The following NAALADL2 variants were observed in gnomAD, a reference collection of about 807,000 sequenced individuals.
The protein encoded by NAALADL2 is inactive N-acetylated-alpha-linked acidic dipeptidase-like protein 2.
Under a neutral mutation model 87.2 loss-of-function variants are expected in NAALADL2, and 76 were observed. The observed-to-expected ratio is 0.87, with a 90% CI of 0.72 to 1.05. The LOEUF (loss-of-function observed/expected upper bound fraction) is 1.05, where lower values mean the gene tolerates loss of function less well. NAALADL2 is among the 50% of genes least tolerant of loss of function. NAALADL2 has a pLI of 0.00. For missense variants in NAALADL2, 1,089 were observed against 945.8 expected (o/e 1.15, Z -1.99); for synonymous variants, 354 against 331.0 (o/e 1.07, Z -0.75).
At chr3:175,052,503 A>T (rs918122353) in intron 1 of NAALADL2, among the ~76,000 whole-genome samples, 1 of 152,158 alleles carries the variant, frequency 6.6e-6, no homozygotes, top group East Asian at 1.9e-4. Context: ...AGACTATACA[A>T]AGACAAACAA....
intron 1 of NAALADL2, among the ~76,000 whole-genome samples, chr3:174,451,657 A>T (rs1456218975): frequency 3.9e-5 from 6 of 152,152 alleles, no homozygotes; most frequent in African/African-American, 1.4e-4. Flanking sequence ...ATTTAAAGAC[A>T]TTGCTCTTAT....
chr3:175,494,557 C>T (rs557167719), intron 9 of NAALADL2, among the ~76,000 whole-genome samples: 1 of 152,198 alleles, frequency 6.6e-6, no homozygotes, highest in African/African-American at 2.4e-5. Flanking sequence ...GTTCTAGTTA[C>T]CAGTATCATC....
intron 1 of NAALADL2, among the ~76,000 whole-genome samples, chr3:174,941,127 A>T (rs1738514864): frequency 6.6e-6 from 1 of 151,802 alleles, no homozygotes; most frequent in Non-Finnish European, 1.5e-5. Flanking sequence ...TAACTTTTTG[A>T]TGTGGGCATT....
At position 175,084,530 on chromosome 3, in the gene NAALADL2, A is replaced by G. The variant is rs139821526; in HGVS notation, c.44-12260A>G. 2.2e-3 allele frequency among the ~76,000 whole-genome samples: 341 copies of G among 152,320 alleles called. 3 individuals are homozygous for G. Among genetic ancestry groups the G allele is most frequent in the African/African-American group, 7.6e-3 (318 of 41,570 alleles). ...TTTGTAAGTTATTCATGCCTTAATTACAGTCTGCATAAGACACCTCAGCAT... is the reference window on the plus strand; with the variant it reads ...TTTGTAAGTTATTCATGCCTTAATTGCAGTCTGCATAAGACACCTCAGCAT... On this transcript the variant is annotated intron_variant, in intron 1 of 13. Coordinates refer to ENST00000454872, the MANE Select transcript of NAALADL2 (RefSeq NM_207015.3).
At chr3:174,444,180 G>A (rs191543058) in intron 1 of NAALADL2, among the ~76,000 whole-genome samples, 2 of 152,262 alleles carry the variant, frequency 1.3e-5, no homozygotes, top group African/African-American at 4.8e-5. Context: ...TCACGAGGAG[G>A]TGAGAAAGGA....
intron 1 of NAALADL2, among the ~76,000 whole-genome samples, chr3:175,046,587 T>G (rs1754698802): frequency 6.6e-6 from 1 of 152,154 alleles, no homozygotes; most frequent in Non-Finnish European, 1.5e-5. Flanking sequence ...GATAATGAAG[T>G]AAAGACCTCC....
intron 9 of NAALADL2, among the ~76,000 whole-genome samples, chr3:175,559,239 A>T (rs56285150): frequency 0.13 from 19,627 of 152,080 alleles, 1,360 homozygotes; most frequent in Middle Eastern, 0.18. Context: ...TGCTGTTGGC[A>T]TATAGAAATG....
At chr3:175,589,954 T>C (rs1721145926) in intron 10 of NAALADL2, among the ~76,000 whole-genome samples, 1 of 152,130 alleles carries the variant, frequency 6.6e-6, no homozygotes, top group Non-Finnish European at 1.5e-5. Context: ...GGTTCACGCC[T>C]ATAATCCCAA....
intron 11 of NAALADL2, among the ~76,000 whole-genome samples, chr3:175,674,256 T>TG (rs950458966): frequency 1.1e-4 from 16 of 148,494 alleles, no homozygotes; most frequent in Admixed American, 1.3e-4. Flanking sequence ...TGTTTTTTTT[T>TG]TTTGTTTGTT....
intron 2 of NAALADL2, among the ~76,000 whole-genome samples, chr3:174,552,924 C>A (rs1712321414): frequency 6.6e-6 from 1 of 151,610 alleles, no homozygotes; most frequent in African/African-American, 2.4e-5. Flanking sequence ...AGTTGAGGCA[C>A]CAGTGGGGGC....
chr3:175,174,413 T>C (rs372869237), intron 2 of NAALADL2, among the ~76,000 whole-genome samples: 1 of 152,158 alleles, frequency 6.6e-6, no homozygotes, highest in East Asian at 1.9e-4. Context: ...TTCATCTTAT[T>C]TGAAAAGCAA....
intron 2 of NAALADL2, among the ~76,000 whole-genome samples, chr3:174,680,588 C>T (rs1441442050): frequency 6.6e-6 from 1 of 152,314 alleles, no homozygotes; most frequent in East Asian, 1.9e-4. Flanking sequence ...TACTTCACCA[C>T]CATTTTATGG....
At chr3:174,692,765 T>C (rs2108857625) in intron 2 of NAALADL2, among the ~76,000 whole-genome samples, 1 of 152,192 alleles carries the variant, frequency 6.6e-6, no homozygotes, top group Middle Eastern at 3.4e-3. Context: ...CTTGGCTATG[T>C]GTTGTTTATA....
chr3:174,859,843 A>G (rs1726263680), intron 1 of NAALADL2, among the ~76,000 whole-genome samples: 1 of 152,072 alleles, frequency 6.6e-6, no homozygotes, highest in South Asian at 2.1e-4. Flanking sequence ...TGGAGTGTTT[A>G]TTGGTAATTA....
chr3:174,519,326 C>CTTTTTTTTTTTTTTTTTTTT (rs557612913), intron 1 of NAALADL2, among the ~76,000 whole-genome samples: 1 of 128,928 alleles, frequency 7.8e-6, no homozygotes, highest in African/African-American at 2.9e-5. Flanking sequence ...TGAAGATTTC[C>CTTTTTTTTTTTTTTTTTTTT]TTTTTTTTTT....
chr3:175,357,271 G>C (rs1467686212), intron 5 of NAALADL2, among the ~76,000 whole-genome samples: 2 of 152,088 alleles, frequency 1.3e-5, no homozygotes, highest in African/African-American at 4.8e-5. Context: ...AAAGTGACAG[G>C]CTATGCTGCT....
At chr3:175,564,027 C>T (rs1206449250) in intron 9 of NAALADL2, among the ~76,000 whole-genome samples, 2 of 152,150 alleles carry the variant, frequency 1.3e-5, no homozygotes, top group Non-Finnish European at 2.9e-5. Flanking sequence ...GGCGTTATTT[C>T]CTCTGCCCGA....
chr3:174,809,251 C>T (rs1157803617), intron 3 of NAALADL2, among the ~76,000 whole-genome samples: 1 of 152,094 alleles, frequency 6.6e-6, no homozygotes, highest in Non-Finnish European at 1.5e-5. Context: ...GCTCCATATG[C>T]TTTGGAGGTA....
At chr3:175,529,527 A>C (rs566801432) in intron 9 of NAALADL2, among the ~76,000 whole-genome samples, 2 of 152,184 alleles carry the variant, frequency 1.3e-5, no homozygotes, top group Non-Finnish European at 2.9e-5. Context: ...TTGGACACTG[A>C]ATAAGAGCAT....
Sources: allele counts gnomAD v4.1 joint callset (sites outside exome capture counted in the v4.1 genomes callset), GRCh38; gene constraint gnomAD v4.1.1; transcripts MANE v1.5; gene names NCBI Gene and HGNC (gene_info 2026-07-23, HGNC 2026-07-21).